The following STX18 variants were observed in gnomAD, a reference collection of about 807,000 sequenced individuals.
The protein encoded by STX18 is syntaxin-18.
Under a neutral mutation model 50.1 loss-of-function variants are expected in STX18, and 40 were observed. That is an observed-to-expected ratio of 0.80 (90% CI 0.62 to 1.04). The LOEUF (loss-of-function observed/expected upper bound fraction) is 1.04. Ranked by LOEUF, STX18 falls within the 50% of genes least tolerant of loss-of-function variation. The pLI, the probability that STX18 is intolerant of heterozygous loss-of-function variation, is 0.00. For synonymous variants in STX18, 158 were observed against 151.8 expected, an observed-to-expected ratio of 1.04 and a Z score of -0.30; for missense variants, 410 against 415.8, an observed-to-expected ratio of 0.99 and a Z score of 0.12.
chr4:4,438,408 G>T lies in STX18; in HGVS notation c.599C>A (p.Thr200Asn). The T allele has an allele frequency of 6.2e-7, 1 of 1,612,028 alleles. No individual in the cohort carries two copies. The highest frequency in any genetic ancestry group is 8.5e-7 in the Non-Finnish European group (1 of 1,179,068). ...TCAATTCGTACCTGGACGTTCTTCA[G>T]TGGCAGGGTTTTCTTCAGAGTCTTT... Reference protein sequence around the residue: ...PSKDSEENPATEERPEKILAE... With the variant: ...PSKDSEENPANEERPEKILAE... The change falls in exon 6 of 11, where the codon ACT becomes AAT. Residue 200 changes from threonine (T) to asparagine (N), a missense_variant. Thr to Asn is a moderately conservative substitution (Grantham distance 65). Transcript: ENST00000306200.
intron 2 of STX18, among the ~76,000 whole-genome samples, chr4:4,461,207 T>TTA (rs1181981305): frequency 2.0e-5 from 3 of 152,164 alleles, no homozygotes; most frequent in African/African-American, 7.2e-5. Flanking sequence ...TTAGGAAACA[T>TTA]TATATATATA....
intron 1 of STX18, among the ~76,000 whole-genome samples, chr4:4,539,853 C>T (rs1247114006): frequency 1.3e-5 from 2 of 152,188 alleles, no homozygotes; most frequent in Admixed American, 1.3e-4. Context: ...CAGGGCTCTC[C>T]AAAGGGCTTG....
intron 3 of STX18, 31 bp from the exon 4 acceptor site, chr4:4,457,531 T>C: frequency 6.5e-7 from 1 of 1,532,824 alleles, no homozygotes; most frequent in African/African-American, 1.4e-5. Flanking sequence ...GTTCAGGCCT[T>C]CGCACTCAAT....
At chr4:4,447,236 T>C (rs1726457487) in intron 5 of STX18, among the ~76,000 whole-genome samples, 1 of 152,206 alleles carries the variant, frequency 6.6e-6, no homozygotes, top group African/African-American at 2.4e-5. Flanking sequence ...TTTCAGATTT[T>C]TTTTTCCAGT....
intron 5 of STX18, among the ~76,000 whole-genome samples, chr4:4,446,097 A>G (rs1351622587): frequency 6.6e-6 from 1 of 152,176 alleles, no homozygotes; most frequent in East Asian, 1.9e-4. Context: ...TTTTAAACAA[A>G]CATTGATATA....
chr4:4,522,671 G>A (rs1216876795), intron 1 of STX18, among the ~76,000 whole-genome samples: 1 of 152,196 alleles, frequency 6.6e-6, no homozygotes, highest in Non-Finnish European at 1.5e-5. Context: ...AAAGCTGTAT[G>A]CTATAAAGTA....
At chr4:4,454,310 G>A (rs1726949763) in intron 5 of STX18, among the ~76,000 whole-genome samples, 1 of 152,182 alleles carries the variant, frequency 6.6e-6, no homozygotes, top group African/African-American at 2.4e-5. Context: ...TAACTATGTG[G>A]CAGGAGACAA....
At chr4:4,438,369 G>C in intron 6 of STX18, 25 bp downstream of exon 6, 5 of 1,519,070 alleles carry the variant, frequency 3.3e-6, no homozygotes, top group Non-Finnish European at 4.6e-6. Context: ...GAAATGCAAG[G>C]TGAGATTTTC....
chr4:4,484,702 C>T (rs1005074515), intron 1 of STX18, among the ~76,000 whole-genome samples: 3 of 152,150 alleles, frequency 2.0e-5, no homozygotes, highest in African/African-American at 7.2e-5. Flanking sequence ...TAACTACTGC[C>T]GTCTAAAAAC....
At chr4:4,508,732 C>T (rs566392962) in intron 1 of STX18, among the ~76,000 whole-genome samples, 2 of 152,230 alleles carry the variant, frequency 1.3e-5, no homozygotes, top group African/African-American at 4.8e-5. Flanking sequence ...TCGACAGTCC[C>T]CAGTGAGTGT....
At chr4:4,508,650 C>T (rs1192999605) in intron 1 of STX18, among the ~76,000 whole-genome samples, 1 of 152,148 alleles carries the variant, frequency 6.6e-6, no homozygotes, top group Non-Finnish European at 1.5e-5. Flanking sequence ...CAGATCATCC[C>T]ATCACCTAGG....
intron 5 of STX18, among the ~76,000 whole-genome samples, chr4:4,440,415 G>A (rs967311713): frequency 2.0e-5 from 3 of 152,150 alleles, no homozygotes; most frequent in Non-Finnish European, 4.4e-5. Context: ...ACTTGCCCAG[G>A]TCACAGTCAG....
chr4:4,423,322 C>T (rs79361930), intron 9 of STX18, among the ~76,000 whole-genome samples, 196 bp downstream of exon 9: 111 of 152,330 alleles, frequency 7.3e-4, no homozygotes, highest in African/African-American at 2.5e-3. Context: ...GCTCCTCCTC[C>T]ATCACACGTG....
At chr4:4,534,872 C>G (rs1731258791) in intron 1 of STX18, among the ~76,000 whole-genome samples, 1 of 152,258 alleles carries the variant, frequency 6.6e-6, no homozygotes, top group African/African-American at 2.4e-5. Context: ...TCCAATAAAA[C>G]TTTATTTACA....
chr4:4,463,422 G>A (rs1727479457), intron 2 of STX18, among the ~76,000 whole-genome samples: 1 of 152,204 alleles, frequency 6.6e-6, no homozygotes, highest in African/African-American at 2.4e-5. Flanking sequence ...TTAAAATGTA[G>A]ATTTGGCCTG....
intron 1 of STX18, among the ~76,000 whole-genome samples, chr4:4,505,961 T>C (rs1438313511): frequency 6.6e-6 from 1 of 152,254 alleles, no homozygotes; most frequent in Non-Finnish European, 1.5e-5. Flanking sequence ...TAACTTAGCA[T>C]ATTTTCAAGG....
At chr4:4,457,890 G>C (rs867496849) in intron 3 of STX18, among the ~76,000 whole-genome samples, 5 of 152,130 alleles carry the variant, frequency 3.3e-5, no homozygotes, top group African/African-American at 9.7e-5. Context: ...TTTTCAGCCT[G>C]TAGTGCCCCA....
At chr4:4,512,022 A>G (rs1730031408) in intron 1 of STX18, among the ~76,000 whole-genome samples, 1 of 152,020 alleles carries the variant, frequency 6.6e-6, no homozygotes, top group Non-Finnish European at 1.5e-5. Context: ...TGCCAGTAGT[A>G]GCCCCCTAGC....
chr4:4,482,593 C>G (rs924012514), intron 1 of STX18, among the ~76,000 whole-genome samples: 1 of 152,258 alleles, frequency 6.6e-6, no homozygotes, highest in African/African-American at 2.4e-5. Flanking sequence ...CCAGCTCCAT[C>G]TACCAGCTTC....
Sources: gnomAD v4.1 joint callset for allele counts (sites outside exome capture counted in the v4.1 genomes callset) on GRCh38, gnomAD v4.1.1 for gene constraint, MANE v1.5 for transcripts, NCBI Gene and HGNC (gene_info 2026-07-23, HGNC 2026-07-21) for gene names.